The following RYR2 variants were observed in gnomAD, a reference collection of about 807,000 sequenced individuals.
RYR2 encodes the protein cardiac muscle ryanodine receptor-calcium release channel.
A neutral mutation model predicts 601.1 loss-of-function variants in RYR2; 227 were observed. That is an observed-to-expected ratio of 0.38 (90% confidence interval 0.34 to 0.42). The LOEUF is 0.42. RYR2 is among the 10% of genes least tolerant of loss of function. The pLI is 1.00. For synonymous variants in RYR2, 2,223 were observed against 2,175.1 expected (o/e 1.02, Z -0.61); for missense variants, 4,646 against 6,156.5 (o/e 0.75, Z 8.21).
intron 6 of RYR2, among the ~76,000 whole-genome samples, chr1:237,370,772 T>A (rs991221991): frequency 2.6e-5 from 4 of 151,378 alleles, no homozygotes; most frequent in Non-Finnish European, 5.9e-5. Flanking sequence ...GCCATTCTCC[T>A]GCCTCAGCCT....
At chr1:237,416,874 G>C (rs1382485260) in intron 10 of RYR2, among the ~76,000 whole-genome samples, 175 bp from the exon 11 acceptor site, 2 of 152,048 alleles carry the variant, frequency 1.3e-5, no homozygotes, top group African/African-American at 2.4e-5. Context: ...CACTGTTACT[G>C]TTATTTTGGT....
chr1:237,718,413 A>C, intron 72 of RYR2, 49 bp from the exon 73 acceptor site: 1 of 912,546 alleles, frequency 1.1e-6, no homozygotes, highest in Non-Finnish European at 1.8e-6. Context: ...GACTTGTGAC[A>C]GTTGATGCAA....
chr1:237,605,493 T>C (rs1329396506), intron 35 of RYR2, among the ~76,000 whole-genome samples: 2 of 152,156 alleles, frequency 1.3e-5, no homozygotes, highest in Non-Finnish European at 2.9e-5. Flanking sequence ...ACTGGAAGCA[T>C]TCCCTTTGAA....
In RYR2 at chr1:237,594,918, T is replaced by G. The variant is rs949063969; in HGVS notation, c.4437-580T>G. ...TTTTTTTTTTTTTTTTTTTTTTTTT[T>G]TTTTTTTTTTTTTGCATATTCTAGT... On this transcript the variant is annotated intron_variant, in intron 33 of 104. Coordinates refer to ENST00000366574, the MANE Select transcript of RYR2 (RefSeq NM_001035.3). 3.7e-4 allele frequency among the ~76,000 whole-genome samples: 25 copies of G among 66,960 alleles called. 1 individual carries two copies. Among genetic ancestry groups the G allele is most frequent in the East Asian group, 7.2e-4 (2 of 2,790 alleles). 43.9% of individuals were successfully genotyped at this position (66,960 alleles called of 152,430 possible). A position where few individuals can be genotyped will look rare whatever the true frequency, so the allele number is the denominator to read the frequency against.
Position 237,144,730 on chromosome 1 carries a change from G to A in RYR2, c.48+102161G>A, listed in dbSNP as rs562677982. On this transcript the variant is annotated intron_variant, in intron 1 of 104. Transcript: ENST00000366574. ...ATACTATAGGTCTAGCTGCCCTGGAGACTCTATCATATTCCTTGTGCTATT... is the reference window on the plus strand; with the variant it reads ...ATACTATAGGTCTAGCTGCCCTGGAAACTCTATCATATTCCTTGTGCTATT... Among the ~76,000 whole-genome samples the A allele has an allele frequency of 1.2e-4, 19 of 152,216 alleles. 1 individual carries two copies. The South Asian group carries it at 1.5e-3, about 12-fold the overall frequency.
intron 33 of RYR2, among the ~76,000 whole-genome samples, chr1:237,594,896 T>TGTTTTTTTTG (rs1675664124): frequency 2.0e-4 from 4 of 20,462 alleles, no homozygotes; most frequent in African/African-American, 2.9e-4. Flanking sequence ...GTTTTTTTTT[T>TGTTTTTTTTG]TTTTTTTTTT....
chr1:237,631,564 T>C, intron 42 of RYR2, 23 bp downstream of exon 42: 2 of 1,403,518 alleles, frequency 1.4e-6, no homozygotes, highest in South Asian at 1.2e-5. Context: ...ATTCCTGAGA[T>C]GCTATTTAGT....
intron 1 of RYR2, among the ~76,000 whole-genome samples, chr1:237,087,080 G>C (rs1248786876): frequency 6.6e-6 from 1 of 152,162 alleles, no homozygotes; most frequent in Non-Finnish European, 1.5e-5. Context: ...GCAAGTGAAA[G>C]GCAGGAGGAC....
chr1:237,737,586 A>G (rs1306326419), intron 79 of RYR2, among the ~76,000 whole-genome samples: 3 of 152,174 alleles, frequency 2.0e-5, no homozygotes, highest in African/African-American at 4.8e-5. Context: ...ATATGTCATC[A>G]TTTCTATAAT....
rs767619845 is a variant in RYR2 at position 237,727,214 on chromosome 1, A to AT, written c.10838+21dup. On this transcript the variant is annotated intron_variant, in intron 76 of 104. Transcript: ENST00000366574. ...AATCTGCCAAGGTCGGAATTACTTT[A>AT]TTTTTTGTAATAGATCAATGTTATT... is the stretch of plus-strand genomic sequence containing the variant. The AT allele has an allele frequency of 4.0e-6, 5 of 1,242,242 alleles. No homozygotes were observed. Among genetic ancestry groups the AT allele is most frequent in the Non-Finnish European group, 5.7e-6 (5 of 881,090 alleles). 77.0% of individuals were successfully genotyped at this position (1,242,242 alleles called of 1,614,324 possible).
chr1:237,424,233 A>T, intron 12 of RYR2, among the ~76,000 whole-genome samples: 1 of 152,196 alleles, frequency 6.6e-6, no homozygotes, highest in East Asian at 1.9e-4. Context: ...GGGAAAGATG[A>T]TTGGAACAAT....
chr1:237,703,837 A>G (rs1484016253), intron 66 of RYR2, among the ~76,000 whole-genome samples: 1 of 151,836 alleles, frequency 6.6e-6, no homozygotes, highest in East Asian at 1.9e-4. Context: ...AGTTCTTTAT[A>G]TTTAACTTTA....
chr1:237,288,325 G>T (rs1691787621), intron 2 of RYR2, among the ~76,000 whole-genome samples: 1 of 152,170 alleles, frequency 6.6e-6, no homozygotes, highest in Non-Finnish European at 1.5e-5. Flanking sequence ...GAGAGCATCA[G>T]CTCTGGTAGT....
chr1:237,367,065 A>G (rs905035406), intron 5 of RYR2, among the ~76,000 whole-genome samples: 6 of 151,784 alleles, frequency 4.0e-5, no homozygotes, highest in Admixed American at 2.0e-4. Context: ...ATGTGAAAAA[A>G]GTGACTGTTT....
chr1:237,170,528 G>A (rs1677241399), intron 1 of RYR2, among the ~76,000 whole-genome samples: 1 of 152,196 alleles, frequency 6.6e-6, no homozygotes, highest in Admixed American at 6.5e-5. Context: ...ATACGACTAA[G>A]CGGAAACAGC....
intron 1 of RYR2, among the ~76,000 whole-genome samples, chr1:237,148,551 T>A (rs78999714): frequency 7.9e-6 from 1 of 126,482 alleles, no homozygotes; most frequent in Non-Finnish European, 1.6e-5. Context: ...TATATATATA[T>A]ATACACACAC....
intron 2 of RYR2, among the ~76,000 whole-genome samples, chr1:237,297,205 C>T (rs566992610): frequency 6.6e-6 from 1 of 152,150 alleles, no homozygotes; most frequent in South Asian, 2.1e-4. Context: ...TAATAGAAAA[C>T]TCCATCACAG....
At chr1:237,150,716 T>G (rs1342843664) in intron 1 of RYR2, among the ~76,000 whole-genome samples, 1 of 152,162 alleles carries the variant, frequency 6.6e-6, no homozygotes, top group African/African-American at 2.4e-5. Flanking sequence ...ATTTGGAGAA[T>G]TTGACAATGC....
At chr1:237,823,911 A>G (rs1662802426) in intron 101 of RYR2, among the ~76,000 whole-genome samples, 1 of 152,240 alleles carries the variant, frequency 6.6e-6, no homozygotes, top group Non-Finnish European at 1.5e-5. Flanking sequence ...CTTTACACAA[A>G]TAAACTAGAA....
Sources: gnomAD v4.1 joint callset for allele counts (sites outside exome capture counted in the v4.1 genomes callset) on GRCh38, gnomAD v4.1.1 for gene constraint, MANE v1.5 for transcripts, NCBI Gene and HGNC (gene_info 2026-07-23, HGNC 2026-07-21) for gene names.